The following DCBLD1 variants were observed in gnomAD, a reference collection of about 807,000 sequenced individuals.
DCBLD1 encodes discoidin, CUB and LCCL domain-containing protein 1.
In DCBLD1, 57 loss-of-function variants were observed where a neutral mutation model predicts 71.5. That is an observed-to-expected ratio of 0.80 (90% CI 0.64 to 0.99). The LOEUF is 0.99. Among genes scored for constraint, DCBLD1 ranks in the 50% least tolerant of loss-of-function variants. The pLI is 0.00. For synonymous variants in DCBLD1, 380 were observed against 363.8 expected (o/e 1.04, Z -0.51); for missense variants, 891 against 923.5 (o/e 0.96, Z 0.46).
intron 14 of DCBLD1, chr6:117,566,829 T>C: frequency 1.4e-6 from 2 of 1,430,930 alleles, no homozygotes; most frequent in Non-Finnish European, 1.9e-6. Context: ...AATATGTTAA[T>C]AATAATTTTT....
chr6:117,549,885 G>A (rs934418347), downstream of DCBLD1: 1 of 984,218 alleles, frequency 1.0e-6, no homozygotes, highest in African/African-American at 1.7e-5. Flanking sequence ...AGGTGCCACA[G>A]TGGAAAGAGA....
rs1779314338 is a variant in DCBLD1 at position 117,547,676 on chromosome 6, C to G, written c.1616-231C>G. The stretch of plus-strand genomic sequence containing the variant: ...ATGCCCCAGGACGTCGTCGTCGCCC[C>G]CATCTCTGAGAAGACCCTGCGAAGC... On this transcript the variant is annotated intron_variant, in intron 14 of 14. Transcript: ENST00000338728. The G allele has an allele frequency of 5.8e-6, 5 of 858,044 alleles. No homozygotes were observed. In the Admixed American group the frequency reaches 1.0e-4, roughly 17 times the overall value. 53.2% of individuals were successfully genotyped at this position (858,044 alleles called of 1,614,324 possible). A position where few individuals can be genotyped will look rare whatever the true frequency, so the allele number is the denominator to read the frequency against.
intron 11 of DCBLD1, among the ~76,000 whole-genome samples, chr6:117,541,697 A>G (rs1405467459): frequency 6.6e-6 from 1 of 152,260 alleles, no homozygotes; most frequent in Admixed American, 6.5e-5. Context: ...AAGAAAACAA[A>G]AATTAGTCAT....
intron 2 of DCBLD1, among the ~76,000 whole-genome samples, chr6:117,509,536 A>G (rs537901010): frequency 6.6e-6 from 1 of 152,278 alleles, no homozygotes; most frequent in Non-Finnish European, 1.5e-5. Context: ...CATAGTAAGC[A>G]CTTAGTCAAC....
rs1422985420 is a variant in DCBLD1 at position 117,548,156 on chromosome 6, G to A, written c.1865G>A (p.Arg622His). 3 of 1,550,080 alleles carry A rather than the reference G, an allele frequency of 1.9e-6. No homozygotes were observed. Among genetic ancestry groups the A allele is most frequent in the Non-Finnish European group, 2.6e-6 (3 of 1,146,778 alleles). Residue 622 changes from arginine to histidine, a missense_variant, in exon 15 of 15, where the codon CGC becomes CAC. Coordinates refer to ENST00000338728, the MANE Select transcript of DCBLD1 (RefSeq NM_001366458.2). ...AHTFSAQSGY[R>H]VPGPQPGHKH... ...ACGTTCTCTGCGCAGAGCGGCTACC[G>A]CGTCCCAGGGCCCCAGCCCGGCCAC...
chr6:117,486,105 C>A (rs185312772), intron 1 of DCBLD1, among the ~76,000 whole-genome samples: 4 of 152,248 alleles, frequency 2.6e-5, no homozygotes, highest in Admixed American at 2.6e-4. Context: ...CAATTTGAAC[C>A]CTTTAACCTT....
intron 7 of DCBLD1, among the ~76,000 whole-genome samples, chr6:117,537,622 G>GGTTT (rs1554267051): frequency 1.3e-4 from 4 of 30,092 alleles, no homozygotes; most frequent in Admixed American, 3.6e-4. Flanking sequence ...TTAAAAGGTT[G>GGTTT]TTTTTTTTTT....
At chr6:117,509,564 C>A (rs1365521867) in intron 2 of DCBLD1, among the ~76,000 whole-genome samples, 2 of 151,984 alleles carry the variant, frequency 1.3e-5, no homozygotes, top group Non-Finnish European at 2.9e-5. Flanking sequence ...ATTATTTTTC[C>A]TCCTCCTTCC....
chr6:117,532,092 C>G (rs1262494922), intron 5 of DCBLD1, among the ~76,000 whole-genome samples, 168 bp from the exon 6 acceptor site: 1 of 152,194 alleles, frequency 6.6e-6, no homozygotes, highest in African/African-American at 2.4e-5. Context: ...AAGCAAGTCA[C>G]ATGGTCCAGA....
intron 14 of DCBLD1, among the ~76,000 whole-genome samples, chr6:117,557,300 G>C (rs1241059045): frequency 6.6e-6 from 1 of 151,918 alleles, no homozygotes; most frequent in Non-Finnish European, 1.5e-5. Flanking sequence ...TGTTCTTTTG[G>C]AGAAAATATG....
chr6:117,532,699 G>A (rs1778764658), intron 6 of DCBLD1, among the ~76,000 whole-genome samples: 1 of 152,088 alleles, frequency 6.6e-6, no homozygotes, highest in African/African-American at 2.4e-5. Context: ...ATCCTTTTTG[G>A]GTTTTTACAG....
At chr6:117,551,364 C>CATTTATTTATTT (rs66551810), downstream of DCBLD1, among the ~76,000 whole-genome samples, 1 of 148,048 alleles carries the variant, frequency 6.8e-6, no homozygotes, top group African/African-American at 2.5e-5. Context: ...TGAGTATTTC[C>CATTTATTTATTT]ATTTATTTAT....
rs192684354 is a variant in DCBLD1, at chr6:117,527,272, T to G, written c.585+1838T>G. 7.0e-3 allele frequency among the ~76,000 whole-genome samples: 1,073 copies of G among 152,206 alleles called. 12 individuals are homozygous for G. Among genetic ancestry groups the G allele is most frequent in the African/African-American group, 0.024 (996 of 41,526 alleles). On this transcript the variant is annotated intron_variant, in intron 5 of 14. Transcript: ENST00000338728. ...AGAAAATCTCAGCCCCCACCCACAC[T>G]CAGGGGGATTCAGAGGGATTCCACA... is the stretch of plus-strand genomic sequence containing the variant.
intron 13 of DCBLD1, 90 bp from the exon 14 acceptor site, chr6:117,545,388 C>A (rs988086992): frequency 9.8e-6 from 15 of 1,536,482 alleles, no homozygotes; most frequent in Non-Finnish European, 1.3e-5. Context: ...CAGGAGGCAG[C>A]CTGACCTCTG....
At chr6:117,512,113 A>G (rs765187137) in intron 2 of DCBLD1, among the ~76,000 whole-genome samples, 1 of 152,154 alleles carries the variant, frequency 6.6e-6, no homozygotes, top group African/African-American at 2.4e-5. Flanking sequence ...CTCTTTCCCC[A>G]TAAATACTTC....
chr6:117,516,987 A>G (rs1778222567), intron 2 of DCBLD1, among the ~76,000 whole-genome samples: 1 of 152,100 alleles, frequency 6.6e-6, no homozygotes, highest in Non-Finnish European at 1.5e-5. Flanking sequence ...GGCCCCTCCC[A>G]AGTCTCATGT....
At chr6:117,546,888 T>C (rs389663) in intron 14 of DCBLD1, among the ~76,000 whole-genome samples, 112,785 of 152,044 alleles carry the variant, frequency 0.74, 42,403 homozygotes, top group African/African-American at 0.86. Context: ...ATCGAATCCA[T>C]TGTTCCTAAC....
intron 13 of DCBLD1, 27 bp downstream of exon 13, chr6:117,544,604 T>G (rs751763390): frequency 3.7e-6 from 6 of 1,613,168 alleles, no homozygotes; most frequent in Non-Finnish European, 5.1e-6. Context: ...ATCTACAATT[T>G]TATCTGTCTT....
chr6:117,546,265 G>A (rs980697661), intron 14 of DCBLD1, among the ~76,000 whole-genome samples: 3 of 152,160 alleles, frequency 2.0e-5, no homozygotes, highest in Admixed American at 6.5e-5. Context: ...TTCTGCACCT[G>A]TCTCTATGGC....
Sources: allele counts gnomAD v4.1 joint callset (sites outside exome capture counted in the v4.1 genomes callset), GRCh38; gene constraint gnomAD v4.1.1; transcripts MANE v1.5; gene names NCBI Gene and HGNC (gene_info 2026-07-23, HGNC 2026-07-21).